Variants in MYOM3 observed in about 807,000 individuals in gnomAD.
MYOM3 encodes the protein myomesin 3.
A neutral mutation model predicts 191.7 loss-of-function variants in MYOM3; 155 were observed. The observed-to-expected ratio is 0.81, with a 90% CI of 0.71 to 0.92. MYOM3 has a LOEUF of 0.92. MYOM3 is among the 40% of genes least tolerant of loss of function. The probability of loss-of-function intolerance (pLI) is 0.00; values close to 1 mark genes in which losing one functional copy is unlikely to be tolerated. For missense variants in MYOM3, 1,889 were observed against 1,890.6 expected (o/e 1.00, Z 0.02); for synonymous variants, 757 against 762.9 (o/e 0.99, Z 0.13).
At chr1:24,095,834 CG>C (rs1163723588) in intron 7 of MYOM3, among the ~76,000 whole-genome samples, 1 of 152,012 alleles carries the variant, frequency 6.6e-6, no homozygotes, top group Non-Finnish European at 1.5e-5. Context: ...CTCAGAGGCG[CG>C]GGGATTTCTG....
chr1:24,089,914 G>T, intron 13 of MYOM3, 151 bp downstream of exon 13: 2 of 828,068 alleles, frequency 2.4e-6, no homozygotes, highest in Non-Finnish European at 3.8e-6. Flanking sequence ...GGGCCACAGT[G>T]ACCCCAGCAC....
In MYOM3 at chr1:24,111,170, A is replaced by G. The variant is rs1644035073; in HGVS notation, c.-19+861T>C. 6.6e-6 allele frequency among the ~76,000 whole-genome samples: 1 copy of G among 152,156 alleles called. No individual in the cohort carries two copies. The highest frequency in any genetic ancestry group is 6.5e-5 in the Admixed American group (1 of 15,284). ...GGACCAGGGTGCCTCTTCCCGGAAC[A>G]CTGTGTGTGCCTGCGTGGAGGGGAA... is the stretch of plus-strand genomic sequence containing the variant. On this transcript the variant is annotated intron_variant, in intron 1 of 36. Coordinates refer to ENST00000374434, the MANE Select transcript of MYOM3 (RefSeq NM_152372.4). This position sits in a 1 kb window ranked among gnomAD's most constrained non-coding sequence, Gnocchi z 4.7.
chr1:24,103,320 G>C (rs1422718665), intron 5 of MYOM3, among the ~76,000 whole-genome samples: 1 of 152,198 alleles, frequency 6.6e-6, no homozygotes, highest in Non-Finnish European at 1.5e-5. Context: ...CCAGTGCCCA[G>C]CAAGGTACTT....
intron 6 of MYOM3, among the ~76,000 whole-genome samples, chr1:24,098,378 G>A (rs1027486514): frequency 2.0e-5 from 3 of 152,222 alleles, no homozygotes; most frequent in South Asian, 2.1e-4. Context: ...ATCCTGGAGC[G>A]GGAGCCTCCT....
intron 29 of MYOM3, 27 bp downstream of exon 29, chr1:24,065,864 G>A (rs1267833955): frequency 1.3e-6 from 2 of 1,515,414 alleles, no homozygotes; most frequent in South Asian, 2.2e-5. Flanking sequence ...AGGAGAAAGT[G>A]AGCCCTGAAG....
chr1:24,094,168 CTTTTT>C (rs746164315), intron 9 of MYOM3, among the ~76,000 whole-genome samples: 3 of 126,300 alleles, frequency 2.4e-5, no homozygotes, highest in East Asian at 2.3e-4. Context: ...CCCTCACTCA[CTTTTT>C]TTTTTTTTTT....
In MYOM3 at chr1:24,057,296, G is replaced by T; in HGVS notation, c.*68C>A. On this transcript the variant is annotated 3_prime_UTR_variant, in exon 37 of 37. Transcript: ENST00000374434. ...ACCCCTGTAGCCTGTGCCAGGCTGT[G>T]ACCCTGGTACAGGTTGTCCCTACTG... is the stretch of plus-strand genomic sequence containing the variant. 6.7e-7 allele frequency: 1 copy of T among 1,502,944 alleles called. No homozygotes were observed. The highest frequency in any genetic ancestry group is 1.2e-5 in the South Asian group (1 of 80,734). The allele number at this position is 1,502,944 out of a possible 1,614,324, so 93.1% of individuals were successfully genotyped here.
intron 12 of MYOM3, 77 bp from the exon 13 acceptor site, chr1:24,090,195 T>A (rs1303404909): frequency 2.5e-6 from 3 of 1,204,288 alleles, no homozygotes; most frequent in Non-Finnish European, 3.7e-6. Context: ...CACACCAGGG[T>A]CTGCGTCCTG....
In MYOM3 at chr1:24,095,376, T is replaced by C. The variant is rs199950140; in HGVS notation, c.790+66A>G. The C allele has an allele frequency of 3.2e-3, 4,641 of 1,469,994 alleles. 8 individuals are homozygous for C. The highest frequency in any genetic ancestry group is 4.1e-3 in the Non-Finnish European group (4,289 of 1,058,458). 91.1% of individuals were successfully genotyped at this position (1,469,994 alleles called of 1,614,324 possible). On this transcript the variant is annotated intron_variant, in intron 8 of 36. Coordinates refer to ENST00000374434, the MANE Select transcript of MYOM3 (RefSeq NM_152372.4). ...GGATGGCTATATTCTAAACAGGGAC[T>C]GTGGGGGTCGGGGAGCAAAGCCTGA...
At chr1:24,070,946 A>G (rs569734219) in intron 25 of MYOM3, among the ~76,000 whole-genome samples, 171 bp downstream of exon 25, 1 of 152,190 alleles carries the variant, frequency 6.6e-6, no homozygotes, top group South Asian at 2.1e-4. Flanking sequence ...CAGCACTGGT[A>G]CTAAGAGCCA....
At position 24,111,742 on chromosome 1, in the gene MYOM3, CT is replaced by C. The variant is rs1235567214; in HGVS notation, c.-19+288del. 0.013 allele frequency among the ~76,000 whole-genome samples: 1,813 copies of C among 142,760 alleles called. 19 individuals carry two copies. The highest frequency in any genetic ancestry group is 0.035 in the African/African-American group (1,356 of 39,142). 93.7% of individuals were successfully genotyped at this position (142,760 alleles called of 152,430 possible). On this transcript the variant is annotated intron_variant, in intron 1 of 36. Transcript: ENST00000374434. This position sits in a 1 kb window ranked among gnomAD's most constrained non-coding sequence, Gnocchi z 4.7. ...TCCAGTTCCCAGGGCAGCCCCCACT[CT>C]TTTTTTTTTTTTTGCAACTTTCACA... is the stretch of plus-strand genomic sequence containing the variant.
chr1:24,083,845 T>G (rs917316823), intron 16 of MYOM3: 2 of 152,750 alleles, frequency 1.3e-5, no homozygotes, highest in African/African-American at 4.8e-5. Context: ...ACAAGGGGCT[T>G]TGGCAAGTTA....
At chr1:24,064,204 A>T in intron 29 of MYOM3, 45 bp from the exon 30 acceptor site, 3 of 1,501,098 alleles carry the variant, frequency 2.0e-6, no homozygotes, top group African/African-American at 1.4e-5. Flanking sequence ...TGGGCTCCAG[A>T]AGGAGAGATG....
At chr1:24,107,669 G>A (rs1284291380) in intron 3 of MYOM3, among the ~76,000 whole-genome samples, 3 of 152,148 alleles carry the variant, frequency 2.0e-5, no homozygotes, top group Non-Finnish European at 4.4e-5. Flanking sequence ...TGGGAAACTG[G>A]GGCCTGGTTT....
At chr1:24,100,970 T>C (rs1003923382) in intron 5 of MYOM3, among the ~76,000 whole-genome samples, 8 of 152,020 alleles carry the variant, frequency 5.3e-5, no homozygotes, top group African/African-American at 1.9e-4. Flanking sequence ...CTGCTAATTA[T>C]TCTCCAATAG....
Position 24,074,288 on chromosome 1 carries a change from C to T in MYOM3, c.2859-19G>A, listed in dbSNP as rs1643570584. ...CTTGGACCTGGCAGAGAGAGGAGAG[C>T]AGAGGCTCTGGGAGGAGCTCCTTGG... On this transcript the variant is annotated intron_variant, in intron 22 of 36. Transcript: ENST00000374434. 4 of 1,596,700 alleles carry T rather than the reference C, an allele frequency of 2.5e-6. No homozygotes were observed. The highest frequency in any genetic ancestry group is 1.1e-5 in the South Asian group (1 of 90,450).
At position 24,093,012 on chromosome 1, in the gene MYOM3, A is replaced by G; in HGVS notation, c.1025T>C (p.Leu342Pro). Residue 342 changes from leucine to proline, a missense_variant, in exon 10 of 37, where the codon CTC becomes CCC. Leu to Pro is a moderately conservative substitution (Grantham distance 98). Coordinates refer to ENST00000374434, the MANE Select transcript of MYOM3 (RefSeq NM_152372.4). Reference protein sequence around the residue: ...VSCTYKEDEGLYMVRVPSPFG... With the variant: ...VSCTYKEDEGPYMVRVPSPFG... Reference sequence around the variant, plus strand: ...GGGCGAGGGCACCCGGACCATGTAGAGCCCCTCGTCCTCCTTGTAGGTGCA... The same window carrying G: ...GGGCGAGGGCACCCGGACCATGTAGGGCCCCTCGTCCTCCTTGTAGGTGCA... The G allele has an allele frequency of 6.2e-7, 1 of 1,612,830 alleles. No homozygotes were observed. Among genetic ancestry groups the G allele is most frequent in the Non-Finnish European group, 8.5e-7 (1 of 1,179,722 alleles).
Position 24,064,152 on chromosome 1 carries a change from T to G in MYOM3, c.3542A>C (p.Lys1181Thr). ...CGCTCTGTAAATTCCCTTGTCCTTT[T>G]TGGACAACTGGAAAGAAGGATGAGC... ...TGLLCIEELS[K>T]KDKGIYRAMV... Residue 1181 changes from lysine (K) to threonine (T), a missense_variant, in exon 30 of 37, where the codon AAA becomes ACA. Transcript: ENST00000374434. The G allele has an allele frequency of 6.2e-7, 1 of 1,613,364 alleles. No homozygotes were observed. Among genetic ancestry groups the G allele is most frequent in the Non-Finnish European group, 8.5e-7 (1 of 1,179,662 alleles).
intron 28 of MYOM3, 56 bp downstream of exon 28, chr1:24,066,965 G>T: frequency 2.7e-6 from 4 of 1,487,884 alleles, no homozygotes; most frequent in Non-Finnish European, 3.6e-6. Context: ...TGGGCTTGGG[G>T]ACAAGCCACA....
Sources: gnomAD v4.1 joint callset for allele counts (sites outside exome capture counted in the v4.1 genomes callset) on GRCh38, gnomAD v4.1.1 for gene constraint, Gnocchi (gnomAD v3.1) non-coding constraint, MANE v1.5 for transcripts, NCBI Gene and HGNC (gene_info 2026-07-23, HGNC 2026-07-21) for gene names.